The following CTNNA3 variants were observed in gnomAD, a reference collection of about 807,000 sequenced individuals.
The protein encoded by CTNNA3 is catenin alpha-3.
In CTNNA3, 76 loss-of-function variants were observed where a neutral mutation model predicts 95.7. That is an observed-to-expected ratio of 0.79 (90% confidence interval 0.66 to 0.96). The LOEUF (loss-of-function observed/expected upper bound fraction) is 0.96. Ranked by LOEUF, CTNNA3 falls within the 40% of genes least tolerant of loss-of-function variation. The pLI, the probability that CTNNA3 is intolerant of heterozygous loss-of-function variation, is 0.00. For synonymous variants in CTNNA3, 431 were observed against 374.4 expected (o/e 1.15, Z -1.74); for missense variants, 1,191 against 1,089.8 (o/e 1.09, Z -1.31).
rs541767132 is a variant in CTNNA3 at position 65,915,080 on chromosome 10, T to C, written c.*5250A>G. The C allele has an allele frequency of 6.6e-6, 1 of 152,202 alleles. No individual in the cohort carries two copies. Among genetic ancestry groups the C allele is most frequent in the Non-Finnish European group, 1.5e-5 (1 of 67,998 alleles). 9.4% of individuals were successfully genotyped at this position (152,202 alleles called of 1,614,324 possible). Reference sequence around the variant, plus strand: ...AAGGATCACTATTTGTTTTGTTATATGGTGTATCCTAAGAACCTAGAACAG... The same window carrying C: ...AAGGATCACTATTTGTTTTGTTATACGGTGTATCCTAAGAACCTAGAACAG... On this transcript the variant is annotated 3_prime_UTR_variant, in exon 18 of 18. Transcript: ENST00000433211.
chr10:66,253,730 CTG>C (rs1229180273), intron 13 of CTNNA3, among the ~76,000 whole-genome samples: 1 of 151,984 alleles, frequency 6.6e-6, no homozygotes, highest in Non-Finnish European at 1.5e-5. Flanking sequence ...CGTTGTGTGT[CTG>C]TGTGTTTCTT....
chr10:66,456,260 G>T (rs1185290550), intron 11 of CTNNA3, among the ~76,000 whole-genome samples: 1 of 152,104 alleles, frequency 6.6e-6, no homozygotes, highest in Non-Finnish European at 1.5e-5. Flanking sequence ...AAAATTGGAG[G>T]AATCACCCTA....
chr10:67,683,663 G>C, intron 1 of CTNNA3, among the ~76,000 whole-genome samples: 1 of 152,156 alleles, frequency 6.6e-6, no homozygotes, highest in Admixed American at 6.5e-5. Context: ...GGTTCCTTCT[G>C]GTGGGTTCTT....
chr10:66,113,222 G>T (rs2082185839), intron 13 of CTNNA3, among the ~76,000 whole-genome samples: 1 of 151,702 alleles, frequency 6.6e-6, no homozygotes, highest in South Asian at 2.1e-4. Flanking sequence ...GATGATTAGT[G>T]GTACTCTGGC....
intron 13 of CTNNA3, among the ~76,000 whole-genome samples, chr10:66,140,670 C>T (rs2083567916): frequency 6.6e-6 from 1 of 152,150 alleles, no homozygotes. Flanking sequence ...CTGTCCTATT[C>T]TGCAAATCCC....
At chr10:66,144,131 CT>C (rs36078360) in intron 13 of CTNNA3, among the ~76,000 whole-genome samples, 36 of 152,130 alleles carry the variant, frequency 2.4e-4, no homozygotes, top group African/African-American at 8.2e-4. Context: ...TCTGTGATTT[CT>C]TTTTTTACTG....
chr10:66,536,445 G>T (rs1472239030), intron 10 of CTNNA3, among the ~76,000 whole-genome samples: 1 of 140,738 alleles, frequency 7.1e-6, no homozygotes, highest in Non-Finnish European at 1.5e-5. Context: ...TCACGCCACT[G>T]CACTCCAGCC....
intron 2 of CTNNA3, among the ~76,000 whole-genome samples, chr10:67,632,323 A>C (rs1839171037): frequency 6.6e-6 from 1 of 151,508 alleles, no homozygotes; most frequent in African/African-American, 2.4e-5. Flanking sequence ...AAAAAAAAAA[A>C]ACACTCCTTC....
intron 6 of CTNNA3, among the ~76,000 whole-genome samples, chr10:67,195,599 AAGCCATAGAC>A (rs1312567765): frequency 1.3e-5 from 2 of 152,132 alleles, no homozygotes; most frequent in East Asian, 3.9e-4. Flanking sequence ...CTGATGAATA[AAGCCATAGAC>A]CCATATGAAG....
intron 3 of CTNNA3, among the ~76,000 whole-genome samples, chr10:67,586,107 TAA>T (rs1317485011): frequency 2.0e-5 from 3 of 152,190 alleles, no homozygotes; most frequent in Non-Finnish European, 4.4e-5. Flanking sequence ...GCATAATGTT[TAA>T]TTTCCATGTG....
chr10:66,556,450 T>C (rs1353170610), intron 10 of CTNNA3, among the ~76,000 whole-genome samples: 1 of 152,032 alleles, frequency 6.6e-6, no homozygotes, highest in Non-Finnish European at 1.5e-5. Context: ...AGCCAAGATA[T>C]GGAAACAACC....
chr10:67,302,081 AAGAAAGAAAGAAAG>A (rs1306551049), intron 5 of CTNNA3, among the ~76,000 whole-genome samples: 3 of 126,678 alleles, frequency 2.4e-5, no homozygotes, highest in African/African-American at 8.1e-5. Flanking sequence ...GAAAGAAAGA[AAGAAAGAAAGAAAG>A]AAAATCCTTT....
intron 13 of CTNNA3, among the ~76,000 whole-genome samples, chr10:66,162,622 G>C (rs1324205589): frequency 6.6e-6 from 1 of 152,222 alleles, no homozygotes; most frequent in East Asian, 1.9e-4. Flanking sequence ...GGGTCGGGGG[G>C]TGCTATGGAC....
chr10:66,132,454 G>A (rs1323734005), intron 13 of CTNNA3, among the ~76,000 whole-genome samples: 1 of 152,182 alleles, frequency 6.6e-6, no homozygotes, highest in Non-Finnish European at 1.5e-5. Flanking sequence ...CTGTTGGTGG[G>A]AGTGTAAATT....
intron 13 of CTNNA3, among the ~76,000 whole-genome samples, chr10:66,267,837 G>T (rs896284743): frequency 5.9e-5 from 9 of 151,974 alleles, no homozygotes; most frequent in Non-Finnish European, 1.0e-4. Flanking sequence ...ATTATGTATA[G>T]CTTAATATCT....
rs17633340 is a variant in CTNNA3 at position 67,762,579 on chromosome 10, C to A, written c.-2+855G>T. On this transcript the variant is annotated intron_variant, in intron 1 of 17. Transcript: ENST00000684154. Reference sequence around the variant, plus strand: ...GGAAAGATAAAAAGGGCTTCAAGATCAAAATACAACGAGTAAAATTAGGTA... The same window carrying A: ...GGAAAGATAAAAAGGGCTTCAAGATAAAAATACAACGAGTAAAATTAGGTA... Among the ~76,000 whole-genome samples the A allele has an allele frequency of 9.7e-3, 1,480 of 152,182 alleles. 10 individuals are homozygous for A. Among genetic ancestry groups the A allele is most frequent in the Middle Eastern group, 0.027 (8 of 294 alleles).
chr10:67,207,191 A>G (rs1863941200), intron 6 of CTNNA3, among the ~76,000 whole-genome samples: 1 of 152,166 alleles, frequency 6.6e-6, no homozygotes. Context: ...TTTAAATGGA[A>G]ATCAATTCCA....
At chr10:67,227,559 A>G (rs1864984963) in intron 5 of CTNNA3, among the ~76,000 whole-genome samples, 1 of 152,162 alleles carries the variant, frequency 6.6e-6, no homozygotes, top group Non-Finnish European at 1.5e-5. Context: ...AACAATTACT[A>G]ATAGATCTAC....
At chr10:67,129,203 T>TA (rs1859871291) in intron 7 of CTNNA3, among the ~76,000 whole-genome samples, 2 of 152,310 alleles carry the variant, frequency 1.3e-5, no homozygotes, top group African/African-American at 4.8e-5. Flanking sequence ...TATTTCATAA[T>TA]AAAAAATTTT....
Sources: gnomAD v4.1 joint callset for allele counts (sites outside exome capture counted in the v4.1 genomes callset) on GRCh38, gnomAD v4.1.1 for gene constraint, MANE v1.5 for transcripts, NCBI Gene and HGNC (gene_info 2026-07-23, HGNC 2026-07-21) for gene names.